Variants in IMMP2L observed in about 807,000 individuals in gnomAD.
The protein encoded by IMMP2L is mitochondrial inner membrane protease subunit 2.
IMMP2L carries 18 observed loss-of-function variants against 19.3 expected under a neutral mutation model. The observed-to-expected ratio is 0.93, with a 90% CI of 0.64 to 1.38. The LOEUF (loss-of-function observed/expected upper bound fraction) is 1.38, where lower values mean the gene tolerates loss of function less well. Among genes scored for constraint, IMMP2L ranks in the 40% most tolerant of loss-of-function variants. The probability of loss-of-function intolerance (pLI) is 0.00; values close to 1 mark genes in which losing one functional copy is unlikely to be tolerated. For synonymous variants in IMMP2L, 76 were observed against 73.0 expected (o/e 1.04, Z -0.21); for missense variants, 233 against 218.2 (o/e 1.07, Z -0.43).
intron 5 of IMMP2L, chr7:110,664,933 CT>C (rs1188704689): frequency 6.6e-6 from 1 of 152,108 alleles, no homozygotes; most frequent in Non-Finnish European, 1.5e-5. Context: ...TTCAGGAAAT[CT>C]CTTCTATTTG....
At chr7:111,097,372 C>T (rs1003729135) in intron 3 of IMMP2L, 22 of 151,776 alleles carry the variant, frequency 1.4e-4, no homozygotes, top group African/African-American at 5.1e-4. Flanking sequence ...TAAGAGACTT[C>T]GTTTTCACTG....
At chr7:111,548,463 C>T (rs899759710) in intron 1 of IMMP2L, among the ~76,000 whole-genome samples, 10 of 151,932 alleles carry the variant, frequency 6.6e-5, no homozygotes, top group African/African-American at 1.9e-4. Flanking sequence ...GATATTCCAC[C>T]GTTCTGTCTT....
intron 3 of IMMP2L, among the ~76,000 whole-genome samples, chr7:111,111,629 C>T (rs575337761): frequency 3.3e-5 from 5 of 152,002 alleles, no homozygotes; most frequent in South Asian, 2.1e-4. Context: ...AAAGCTCTTA[C>T]GAACAGAAAT....
At chr7:110,962,072 T>G (rs2129555410) in intron 4 of IMMP2L, among the ~76,000 whole-genome samples, 1 of 152,076 alleles carries the variant, frequency 6.6e-6, no homozygotes, top group South Asian at 2.1e-4. Flanking sequence ...GTATGGTAAA[T>G]AAATTATACC....
At chr7:110,670,540 A>G (rs924920662) in intron 5 of IMMP2L, among the ~76,000 whole-genome samples, 1 of 152,078 alleles carries the variant, frequency 6.6e-6, no homozygotes, top group Non-Finnish European at 1.5e-5. Context: ...AAATACAAAA[A>G]TTAGCCAGAT....
chr7:111,163,950 G>A (rs1805544694), intron 3 of IMMP2L, among the ~76,000 whole-genome samples: 5 of 151,980 alleles, frequency 3.3e-5, no homozygotes, highest in Admixed American at 3.3e-4. Flanking sequence ...CTACTATACT[G>A]GAACAAGCTA....
At chr7:111,280,834 C>T (rs1034100595) in intron 3 of IMMP2L, among the ~76,000 whole-genome samples, 2 of 151,982 alleles carry the variant, frequency 1.3e-5, no homozygotes, top group African/African-American at 2.4e-5. Context: ...CTTTGGGAGG[C>T]CGAGGCAGGC....
At chr7:111,260,318 T>C (rs75233850) in intron 3 of IMMP2L, among the ~76,000 whole-genome samples, 1,789 of 152,254 alleles carry the variant, frequency 0.012, 15 homozygotes, top group Non-Finnish European at 0.017. Flanking sequence ...GCAATAGGAA[T>C]ATTTCAGCTC....
chr7:110,978,904 A>G (rs1171161768), intron 3 of IMMP2L, among the ~76,000 whole-genome samples: 1 of 152,080 alleles, frequency 6.6e-6, no homozygotes, highest in South Asian at 2.1e-4. Flanking sequence ...ATCCTGCTCA[A>G]TTCAAATCAT....
chr7:111,162,009 G>A (rs987803233), intron 3 of IMMP2L, among the ~76,000 whole-genome samples: 4 of 152,060 alleles, frequency 2.6e-5, no homozygotes, highest in Non-Finnish European at 2.9e-5. Context: ...GTTACCACTT[G>A]TGTTTAATAA....
intron 2 of IMMP2L, among the ~76,000 whole-genome samples, 164 bp downstream of exon 2, chr7:111,521,149 A>G (rs1846289111): frequency 6.6e-6 from 1 of 152,162 alleles, no homozygotes; most frequent in African/African-American, 2.4e-5. Context: ...ATACGACTGT[A>G]TTAGAAGACC....
At chr7:111,516,790 T>C (rs1442371470) in intron 2 of IMMP2L, among the ~76,000 whole-genome samples, 1 of 152,100 alleles carries the variant, frequency 6.6e-6, no homozygotes. Context: ...CAAAAGTAAT[T>C]TGGGCAGAAA....
intron 3 of IMMP2L, among the ~76,000 whole-genome samples, chr7:111,478,604 T>G (rs982242457): frequency 1.3e-5 from 2 of 151,958 alleles, no homozygotes; most frequent in African/African-American, 4.8e-5. Flanking sequence ...TTTGGTTAAG[T>G]AGAGACCAGG....
chr7:111,134,050 C>G (rs188242192), intron 3 of IMMP2L, among the ~76,000 whole-genome samples: 8 of 151,814 alleles, frequency 5.3e-5, no homozygotes, highest in Non-Finnish European at 1.2e-4. Flanking sequence ...ATATAGAAGC[C>G]CAAATGTAAT....
intron 4 of IMMP2L, among the ~76,000 whole-genome samples, chr7:110,925,880 C>T (rs1814793834): frequency 1.3e-5 from 2 of 151,990 alleles, no homozygotes; most frequent in Non-Finnish European, 2.9e-5. Context: ...TTACTACCCT[C>T]TTAGTAAAAC....
Position 111,189,132 on chromosome 7 carries a change from A to G in IMMP2L, c.240-225567T>C, listed in dbSNP as rs568066113. ...AACAGTGCCACTCAGAAGAAATAAG[A>G]TAATTCATGTATACTTTTTATTGTG... On this transcript the variant is annotated intron_variant, in intron 3 of 5. Transcript: ENST00000405709. Among the ~76,000 whole-genome samples, 3 of 152,292 alleles carry G rather than the reference A, an allele frequency of 2.0e-5. No homozygotes were observed. The South Asian group carries it at 6.2e-4, about 32-fold the overall frequency.
At chr7:111,165,544 T>A (rs1378242058) in intron 3 of IMMP2L, among the ~76,000 whole-genome samples, 2 of 152,056 alleles carry the variant, frequency 1.3e-5, no homozygotes, top group Non-Finnish European at 2.9e-5. Flanking sequence ...TTTAAGCTAT[T>A]TTACTATTTT....
chr7:111,484,919 T>G (rs1842499367), intron 3 of IMMP2L, among the ~76,000 whole-genome samples: 3 of 152,020 alleles, frequency 2.0e-5, no homozygotes, highest in Non-Finnish European at 4.4e-5. Context: ...CCCAGGTAGC[T>G]AAGAACTACA....
At chr7:111,115,332 A>T (rs571706849) in intron 3 of IMMP2L, among the ~76,000 whole-genome samples, 2 of 152,334 alleles carry the variant, frequency 1.3e-5, no homozygotes, top group African/African-American at 2.4e-5. Context: ...CTAATCATGT[A>T]CAAAAGTCAA....
Sources: allele counts gnomAD v4.1 joint callset (sites outside exome capture counted in the v4.1 genomes callset), GRCh38; gene constraint gnomAD v4.1.1; transcripts MANE v1.5; gene names NCBI Gene and HGNC (gene_info 2026-07-23, HGNC 2026-07-21).